ANKRD31: variants seen among roughly 807,000 people sequenced by gnomAD.
ANKRD31 encodes the protein ankyrin repeat domain 31.
In ANKRD31, 147 loss-of-function variants were observed where a neutral mutation model predicts 186.0. The observed-to-expected ratio is 0.79, with a 90% CI of 0.69 to 0.91. The LOEUF (loss-of-function observed/expected upper bound fraction) is 0.91. ANKRD31 is among the 40% of genes least tolerant of loss of function. The pLI is 0.00. For missense variants in ANKRD31, 1,986 were observed against 2,148.8 expected (o/e 0.92, Z 1.50); for synonymous variants, 673 against 736.4 (o/e 0.91, Z 1.39).
At chr5:75,081,571 T>C (rs1215171289) in intron 24 of ANKRD31, among the ~76,000 whole-genome samples, 2 of 152,154 alleles carry the variant, frequency 1.3e-5, no homozygotes, top group African/African-American at 4.8e-5. Flanking sequence ...ACCTTCATGA[T>C]AGAAGGAAAT....
At chr5:75,236,516 C>A (rs1361844081) in intron 1 of ANKRD31, 67 bp downstream of exon 1, 4 of 1,337,406 alleles carry the variant, frequency 3.0e-6, no homozygotes, top group East Asian at 2.6e-5. Context: ...AAACTCTGAC[C>A]CCCTCAGAGG....
intron 10 of ANKRD31, among the ~76,000 whole-genome samples, chr5:75,178,733 C>T (rs1477764138): frequency 4.6e-5 from 7 of 152,006 alleles, no homozygotes; most frequent in African/African-American, 9.7e-5. Context: ...ACATTCAAAG[C>T]AGTGTGTAGA....
At chr5:75,141,547 T>C (rs1382156925) in intron 15 of ANKRD31, among the ~76,000 whole-genome samples, 3 of 151,996 alleles carry the variant, frequency 2.0e-5, no homozygotes, top group African/African-American at 7.3e-5. Flanking sequence ...GGAGATGACA[T>C]TTCTTAAAAA....
chr5:75,151,910 T>G lies in ANKRD31; in HGVS notation c.1852+2291A>C, dbSNP rs140029955. On this transcript the variant is annotated intron_variant, in intron 12 of 25. Transcript: ENST00000506364. The stretch of plus-strand genomic sequence containing the variant: ...ATCGTAATTGCTGGCTATCCCTGTT[T>G]CTTATTCATCTTGTATTATCAGGCT... 2.8e-3 allele frequency among the ~76,000 whole-genome samples: 423 copies of G among 152,206 alleles called. 3 individuals carry two copies. Among genetic ancestry groups the G allele is most frequent in the African/African-American group, 9.3e-3 (388 of 41,564 alleles).
At chr5:75,138,306 G>C (rs948638239) in intron 16 of ANKRD31, among the ~76,000 whole-genome samples, 1 of 152,082 alleles carries the variant, frequency 6.6e-6, no homozygotes, top group Admixed American at 6.6e-5. Flanking sequence ...ATATTAAAAC[G>C]TCTGACTTTC....
chr5:75,138,095 T>C (rs1750740051), intron 16 of ANKRD31, 97 bp from the exon 17 acceptor site: 2 of 1,076,792 alleles, frequency 1.9e-6, no homozygotes, highest in South Asian at 6.2e-5. Context: ...TAATGCAATA[T>C]CCATATTGAT....
At chr5:75,172,411 G>C (rs964132628) in intron 10 of ANKRD31, among the ~76,000 whole-genome samples, 3 of 148,522 alleles carry the variant, frequency 2.0e-5, no homozygotes, top group Non-Finnish European at 4.5e-5. Flanking sequence ...CCTTGATAGA[G>C]ACACAAAAAA....
Position 75,195,881 on chromosome 5 carries a change from C to T in ANKRD31, c.767G>A (p.Ser256Asn). 6.7e-7 allele frequency: 1 copy of T among 1,491,324 alleles called. No homozygotes were observed. Among genetic ancestry groups the T allele is most frequent in the Non-Finnish European group, 8.8e-7 (1 of 1,137,878 alleles). 92.4% of individuals were successfully genotyped at this position (1,491,324 alleles called of 1,614,324 possible). ...FDRKELMNPLSDSLSSISIPL... is the reference protein window; with the variant it reads ...FDRKELMNPLNDSLSSISIPL... Reference sequence around the variant, plus strand: ...TATTGATATGGAACTAAGAGAGTCACTCAATGGGTTCATCAATTCTTTACG... The same window carrying T: ...TATTGATATGGAACTAAGAGAGTCATTCAATGGGTTCATCAATTCTTTACG... Residue 256 changes from serine (S) to asparagine (N), a missense_variant, in exon 7 of 26, where the codon AGT (serine) becomes AAT (asparagine). By Grantham distance (46) the Ser-to-Asn change is conservative. Transcript: ENST00000506364.
chr5:75,195,713 C>T lies in ANKRD31; in HGVS notation c.935G>A (p.Ser312Asn), dbSNP rs138165885. 1.3e-4 allele frequency: 200 copies of T among 1,537,530 alleles called. No individual in the cohort carries two copies. The highest frequency in any genetic ancestry group is 8.8e-5 in the Non-Finnish European group (101 of 1,146,880). The change falls in exon 7 of 26, where the codon AGC becomes AAC. Residue 312 changes from serine (S) to asparagine (N), a missense_variant. Physicochemically the swap from Ser to Asn is conservative, Grantham distance 46. Coordinates refer to ENST00000506364, the MANE Select transcript of ANKRD31 (RefSeq NM_001372053.1). ...ACATTCATTTCTGGCAATGAGACTG[C>T]TACCTCCCTCTTTTCTGTGACAGAT... The part of the protein sequence containing the change: ...ETICHRKEGG[S>N]SLIARNECLE...
At chr5:75,069,816 G>A (rs1744073852) in intron 25 of ANKRD31, among the ~76,000 whole-genome samples, 2 of 152,312 alleles carry the variant, frequency 1.3e-5, no homozygotes, top group East Asian at 3.9e-4. Context: ...AAAGTGCAAT[G>A]AGATTTTTAT....
At position 75,147,280 on chromosome 5, in the gene ANKRD31, T is replaced by C; in HGVS notation, c.2131A>G (p.Lys711Glu). Residue 711 changes from lysine to glutamate, a missense_variant, in exon 14 of 26, where the codon AAG becomes GAG. Transcript: ENST00000506364. ...TCTTTGACGTTATGGAGATTGCCCT[T>C]TCTGAGTCCTGTAGAGTATATCTGG... ...LDQIYSTGLR[K>E]GNLHNVKDPN... 2.6e-6 allele frequency: 4 copies of C among 1,535,950 alleles called. No individual in the cohort carries two copies. Among genetic ancestry groups the C allele is most frequent in the Non-Finnish European group, 3.5e-6 (4 of 1,146,176 alleles).
intron 5 of ANKRD31, among the ~76,000 whole-genome samples, chr5:75,200,893 T>C (rs914550546): frequency 6.9e-5 from 10 of 144,850 alleles, no homozygotes; most frequent in Non-Finnish European, 1.3e-4. Context: ...GCCTGGGCAA[T>C]AGAGCAAGAC....
intron 22 of ANKRD31, among the ~76,000 whole-genome samples, chr5:75,100,530 G>A (rs1021788936): frequency 6.6e-6 from 1 of 152,102 alleles, no homozygotes; most frequent in African/African-American, 2.4e-5. Context: ...GGGTGTTAAA[G>A]TCTCCCATTA....
At chr5:75,109,516 CTCT>C (rs1340947917) in intron 20 of ANKRD31, among the ~76,000 whole-genome samples, 2 of 152,188 alleles carry the variant, frequency 1.3e-5, no homozygotes, top group South Asian at 2.1e-4. Context: ...AAAGGGTCTT[CTCT>C]TCTTTACCTC....
At chr5:75,124,018 T>C (rs1580370971) in intron 17 of ANKRD31, among the ~76,000 whole-genome samples, 1 of 152,078 alleles carries the variant, frequency 6.6e-6, no homozygotes, top group African/African-American at 2.4e-5. Context: ...GGAAAATATT[T>C]GCAAACTATG....
chr5:75,213,748 T>C (rs188204719), intron 3 of ANKRD31, among the ~76,000 whole-genome samples: 1 of 152,332 alleles, frequency 6.6e-6, no homozygotes, highest in African/African-American at 2.4e-5. Flanking sequence ...GAGAGGTTAA[T>C]TGTGTTAATT....
At chr5:75,084,171 T>G (rs995323620) in intron 24 of ANKRD31, 101 bp downstream of exon 24, 1 of 853,006 alleles carries the variant, frequency 1.2e-6, no homozygotes, top group African/African-American at 1.7e-5. Flanking sequence ...GATTGTTAAT[T>G]TCACATCAAT....
chr5:75,146,684 A>C lies in ANKRD31; in HGVS notation c.2727T>G (p.Ser909=), dbSNP rs1274646120. The C allele has an allele frequency of 6.5e-7, 1 of 1,536,306 alleles. No homozygotes were observed. The highest frequency in any genetic ancestry group is 8.7e-7 in the Non-Finnish European group (1 of 1,146,274). Residue 909 remains serine (S), a synonymous_variant, in exon 14 of 26, where the codon TCT becomes TCG. Transcript: ENST00000506364. ...CCTTTTTAGATGTTATAGCCTTCTC[A>C]GAGGTAGAGCAATCATCATCATCAT... is the stretch of plus-strand genomic sequence containing the variant. The part of the protein sequence containing the change: ...DNDDDDDCST[S]EKAITSKKVL...
Position 75,181,371 on chromosome 5 carries a change from C to A in ANKRD31, c.1564+7122G>T, listed in dbSNP as rs529887098. 4.5e-3 allele frequency among the ~76,000 whole-genome samples: 680 copies of A among 152,170 alleles called. 4 individuals are homozygous for A. Among genetic ancestry groups the A allele is most frequent in the Non-Finnish European group, 7.6e-3 (520 of 68,004 alleles). On this transcript the variant is annotated intron_variant, in intron 10 of 25. Transcript: ENST00000506364. ...AACTAGAAATACCATTTGACCCAGC[C>A]ATCCCATTACTGGGTATATACCCAA...
Sources: allele counts gnomAD v4.1 joint callset (sites outside exome capture counted in the v4.1 genomes callset), GRCh38; gene constraint gnomAD v4.1.1; transcripts MANE v1.5; gene names NCBI Gene and HGNC (gene_info 2026-07-23, HGNC 2026-07-21).